Variants in TBC1D32 observed in about 807,000 individuals in gnomAD.
The protein encoded by TBC1D32 is TBC1 domain family member 32, also known as protein broad-minded.
Under a neutral mutation model 170.3 loss-of-function variants are expected in TBC1D32, and 151 were observed. That is an observed-to-expected ratio of 0.89 (90% CI 0.78 to 1.01). The LOEUF is 1.01. TBC1D32 is among the 50% of genes least tolerant of loss of function. TBC1D32 has a pLI of 0.00. For synonymous variants in TBC1D32, 498 were observed against 488.0 expected (o/e 1.02, Z -0.27); for missense variants, 1,464 against 1,457.1 (o/e 1.00, Z -0.08).
chr6:121,252,561 G>A (rs151045454), intron 17 of TBC1D32, among the ~76,000 whole-genome samples: 3 of 152,170 alleles, frequency 2.0e-5, no homozygotes, highest in Non-Finnish European at 4.4e-5. Flanking sequence ...ACACACCAGG[G>A]CCTCTCAGGG....
intron 5 of TBC1D32, 150 bp downstream of exon 5, chr6:121,307,826 C>T (rs1807562883): frequency 1.3e-6 from 1 of 767,080 alleles, no homozygotes; most frequent in South Asian, 2.1e-5. Context: ...AGTACCAGTG[C>T]ACTCCAGCCT....
intron 24 of TBC1D32, among the ~76,000 whole-genome samples, chr6:121,149,707 T>C (rs899539425): frequency 6.6e-6 from 1 of 152,208 alleles, no homozygotes; most frequent in African/African-American, 2.4e-5. Flanking sequence ...TCCAGCTTTG[T>C]TCTTATTGCT....
rs554522121 is a variant in TBC1D32, at chr6:121,161,035, T to G, written c.2592A>C (p.Leu864Phe). The change falls in exon 23 of 32, where the codon TTA (leucine) becomes TTC (phenylalanine). Residue 864 changes from leucine to phenylalanine, a missense_variant. Leu to Phe is a conservative substitution (Grantham distance 22). Around this residue, in one of 3 missense-constraint regions of TBC1D32, gnomAD observed 1,363 missense variants for 1,338.1 expected, o/e 1.02. Transcript: ENST00000398212. ...FGLRDFIIDGLSVERNHVLVR... is the reference protein window; with the variant it reads ...FGLRDFIIDGFSVERNHVLVR... ...CAAGAACATGATTTCTCTCCACTGATAAGCCATCAATTATAAAGTCCCTGA... is the reference window on the plus strand; with the variant it reads ...CAAGAACATGATTTCTCTCCACTGAGAAGCCATCAATTATAAAGTCCCTGA... 1.2e-6 allele frequency: 2 copies of G among 1,612,890 alleles called. No homozygotes were observed. The highest frequency in any genetic ancestry group is 1.7e-6 in the Non-Finnish European group (2 of 1,179,458).
At chr6:121,139,652 G>A (rs775179219) in intron 24 of TBC1D32, 19 of 152,212 alleles carry the variant, frequency 1.2e-4, no homozygotes, top group Admixed American at 2.0e-4. Flanking sequence ...GACATTTGTA[G>A]TTAAGAAGGC....
At chr6:121,123,873 T>C (rs1780548321) in intron 26 of TBC1D32, among the ~76,000 whole-genome samples, 1 of 151,940 alleles carries the variant, frequency 6.6e-6, no homozygotes, top group African/African-American at 2.4e-5. Flanking sequence ...TTATAGGTTT[T>C]TTTTTGTTTG....
chr6:121,091,158 A>G, intron 30 of TBC1D32, 117 bp from the exon 31 acceptor site: 2 of 832,082 alleles, frequency 2.4e-6, no homozygotes, highest in Non-Finnish European at 3.7e-6. Context: ...GCTTAATCAA[A>G]ATACAAAGAC....
At chr6:121,174,856 C>T (rs1787539769) in intron 22 of TBC1D32, among the ~76,000 whole-genome samples, 1 of 151,900 alleles carries the variant, frequency 6.6e-6, no homozygotes, top group African/African-American at 2.4e-5. Flanking sequence ...CATAGCAAAA[C>T]CTGTCTCTAT....
Position 121,080,358 on chromosome 6 carries a change from C to A in TBC1D32, c.*413G>T. On this transcript the variant is annotated 3_prime_UTR_variant, in exon 32 of 32. Coordinates refer to ENST00000398212, the MANE Select transcript of TBC1D32 (RefSeq NM_152730.6). Reference sequence around the variant, plus strand: ...TCAGCCTCCCAAGTAGCAGGGACTACAGGCGCATCACTGCACCCAGCTAAT... The same window carrying A: ...TCAGCCTCCCAAGTAGCAGGGACTAAAGGCGCATCACTGCACCCAGCTAAT... 2.9e-6 allele frequency: 1 copy of A among 340,398 alleles called. No homozygotes were observed. Among genetic ancestry groups the A allele is most frequent in the Middle Eastern group, 4.0e-4 (1 of 2,480 alleles). The allele number at this position is 340,398 out of a possible 1,614,324, so 21.1% of individuals were successfully genotyped here.
chr6:121,234,809 A>C (rs1484053524), intron 20 of TBC1D32, among the ~76,000 whole-genome samples: 2 of 152,086 alleles, frequency 1.3e-5, no homozygotes, highest in East Asian at 3.9e-4. Flanking sequence ...ATATTACCAG[A>C]ATCATTTTCT....
At chr6:121,326,289 G>C (rs1396737403) in intron 1 of TBC1D32, among the ~76,000 whole-genome samples, 1 of 152,118 alleles carries the variant, frequency 6.6e-6, no homozygotes, top group Non-Finnish European at 1.5e-5. Context: ...AAGTTCTAGT[G>C]TTCTATTCTA....
At chr6:121,209,214 T>G (rs192436286) in intron 21 of TBC1D32, among the ~76,000 whole-genome samples, 1 of 152,072 alleles carries the variant, frequency 6.6e-6, no homozygotes, top group East Asian at 1.9e-4. Flanking sequence ...ATAAATTTGA[T>G]AAGTTTGGAG....
chr6:121,084,834 T>G (rs1471489528), intron 31 of TBC1D32, among the ~76,000 whole-genome samples: 1 of 152,208 alleles, frequency 6.6e-6, no homozygotes, highest in East Asian at 1.9e-4. Context: ...GTTTATGAAT[T>G]CAGGACCAAG....
At chr6:121,091,071 A>T (rs190741035) in intron 30 of TBC1D32, 30 bp from the exon 31 acceptor site, 1 of 1,546,230 alleles carries the variant, frequency 6.5e-7, no homozygotes, top group African/African-American at 1.4e-5. Context: ...TAAGTTCATT[A>T]AAAAATTTAT....
intron 9 of TBC1D32, among the ~76,000 whole-genome samples, chr6:121,300,993 C>A (rs939639150): frequency 2.0e-5 from 3 of 152,144 alleles, no homozygotes; most frequent in Admixed American, 6.5e-5. Context: ...CAATGAGATA[C>A]CATCTCACAT....
intron 20 of TBC1D32, among the ~76,000 whole-genome samples, chr6:121,231,679 C>T (rs1422346712): frequency 6.6e-6 from 1 of 152,082 alleles, no homozygotes. Flanking sequence ...TGATATTGCA[C>T]ATTTTTCCAT....
intron 3 of TBC1D32, among the ~76,000 whole-genome samples, chr6:121,315,847 A>G (rs1204359734): frequency 1.3e-5 from 2 of 152,290 alleles, no homozygotes; most frequent in African/African-American, 4.8e-5. Flanking sequence ...GAACTTGGAC[A>G]TACTGAAACA....
intron 19 of TBC1D32, among the ~76,000 whole-genome samples, chr6:121,240,876 A>AC (rs1796897862): frequency 2.1e-5 from 2 of 94,890 alleles, no homozygotes; most frequent in Middle Eastern, 5.3e-3. Context: ...ATTCTGTCTC[A>AC]CAAAAAAAAA....
At chr6:121,319,303 C>A (rs937427058) in intron 2 of TBC1D32, among the ~76,000 whole-genome samples, 5 of 151,970 alleles carry the variant, frequency 3.3e-5, no homozygotes, top group African/African-American at 1.2e-4. Context: ...AAAAAGAAGT[C>A]CTGAGACACA....
At chr6:121,333,698 A>G (rs1048166154) in intron 1 of TBC1D32, among the ~76,000 whole-genome samples, 4 of 152,216 alleles carry the variant, frequency 2.6e-5, no homozygotes, top group African/African-American at 9.7e-5. Context: ...ATAATTTATA[A>G]TTAATATTAC....
Sources: gnomAD v4.1 joint callset for allele counts (sites outside exome capture counted in the v4.1 genomes callset) on GRCh38, gnomAD v4.1.1 for gene constraint, gnomAD v4.1.1 regional missense constraint, MANE v1.5 for transcripts, NCBI Gene and HGNC (gene_info 2026-07-23, HGNC 2026-07-21) for gene names.